The following ZWILCH variants were observed in gnomAD, a reference collection of about 807,000 sequenced individuals.
The protein encoded by ZWILCH is protein zwilch homolog.
In ZWILCH, 74 loss-of-function variants were observed where a neutral mutation model predicts 79.9. The ratio of observed to expected loss-of-function variants is 0.93; its 90% CI spans 0.77 to 1.12. ZWILCH has a LOEUF of 1.12. Ranked by LOEUF, ZWILCH falls within the 50% of genes most tolerant of loss-of-function variation. The pLI is 0.00. For missense variants in ZWILCH, 694 were observed against 687.5 expected (o/e 1.01, Z -0.11); for synonymous variants, 241 against 228.2 (o/e 1.06, Z -0.51).
At chr15:66,507,900 T>C (rs957869353) in intron 1 of ZWILCH, among the ~76,000 whole-genome samples, 1 of 139,596 alleles carries the variant, frequency 7.2e-6, no homozygotes, top group Non-Finnish European at 1.5e-5. Context: ...GCCACTGTAC[T>C]CCAACTCCAG....
chr15:66,507,938 C>CAAA (rs34334763), intron 1 of ZWILCH, among the ~76,000 whole-genome samples: 4 of 97,668 alleles, frequency 4.1e-5, no homozygotes, highest in East Asian at 3.1e-4. Flanking sequence ...GACTGCATCT[C>CAAA]AAAAAAAAAA....
In ZWILCH at chr15:66,527,993, C is replaced by A. The variant is rs1595915324; in HGVS notation, c.969+81C>A. ...TATGCTGACATCTTTCATGTTGTAC[C>A]ATCGCAAATGGATTTGGGATATCAA... On this transcript the variant is annotated intron_variant, in intron 10 of 18. Transcript: ENST00000307897. 15 of 1,197,668 alleles carry A rather than the reference C, an allele frequency of 1.3e-5. No homozygotes were observed. In the East Asian group the frequency reaches 4.1e-4, roughly 32 times the overall value. The allele number at this position is 1,197,668 out of a possible 1,614,324, so 74.2% of individuals were successfully genotyped here.
intron 14 of ZWILCH, among the ~76,000 whole-genome samples, chr15:66,534,569 A>G (rs1221157803): frequency 1.3e-5 from 2 of 152,230 alleles, no homozygotes; most frequent in African/African-American, 2.4e-5. Flanking sequence ...CTGCACACCT[A>G]GGCTATAAAC....
In ZWILCH at chr15:66,532,544, C is replaced by T. The variant is rs74022025; in HGVS notation, c.1312+141C>T. ...TGTACCTGGTTCACTATGAGATGAG[C>T]ATTTCCCTTCTCTGGGCCTTAGTTT... On this transcript the variant is annotated intron_variant, in intron 13 of 18. Coordinates refer to ENST00000307897, the MANE Select transcript of ZWILCH (RefSeq NM_017975.5). 972 of 597,194 alleles carry T rather than the reference C, an allele frequency of 1.6e-3. 7 individuals carry two copies. The African/African-American group carries it at 0.017, about 11-fold the overall frequency. The allele number at this position is 597,194 out of a possible 1,614,324, so 37.0% of individuals were successfully genotyped here.
rs1895541271 is a variant in ZWILCH at position 66,550,084 on chromosome 15, T to C, written c.*1760T>C. The C allele has an allele frequency of 2.4e-5, 38 of 1,604,742 alleles. No homozygotes were observed. Among genetic ancestry groups the C allele is most frequent in the Non-Finnish European group, 3.2e-5 (38 of 1,176,042 alleles). On this transcript the variant is annotated 3_prime_UTR_variant, in exon 19 of 19. Coordinates refer to ENST00000307897, the MANE Select transcript of ZWILCH (RefSeq NM_017975.5). ...TGTTGATAGAGCAAGTTTCCAAAGC[T>C]TTGAGGTACCAACTTTCCACCTAAT...
intron 1 of ZWILCH, 147 bp from the exon 2 acceptor site, chr15:66,508,694 G>T: frequency 1.5e-6 from 2 of 1,377,992 alleles, no homozygotes; most frequent in Non-Finnish European, 9.4e-7. Context: ...TTCTCTCTCT[G>T]CAACTACATC....
chr15:66,527,186 A>G, intron 8 of ZWILCH, 104 bp from the exon 9 acceptor site: 1 of 812,294 alleles, frequency 1.2e-6, no homozygotes, highest in Non-Finnish European at 2.0e-6. Flanking sequence ...TGTGATAAAC[A>G]CTCAAGAAAT....
At chr15:66,516,279 A>G (rs1288241116) in intron 4 of ZWILCH, among the ~76,000 whole-genome samples, 1 of 152,090 alleles carries the variant, frequency 6.6e-6, no homozygotes, top group Non-Finnish European at 1.5e-5. Flanking sequence ...GCCTCTGGCT[A>G]CCTCTCCAGC....
At chr15:66,533,975 C>G (rs934856640) in intron 14 of ZWILCH, among the ~76,000 whole-genome samples, 2 of 152,052 alleles carry the variant, frequency 1.3e-5, no homozygotes, top group Non-Finnish European at 2.9e-5. Context: ...GCATGGTTGT[C>G]TGTGCCTGTG....
chr15:66,535,398 G>A (rs960398551), intron 14 of ZWILCH, among the ~76,000 whole-genome samples: 3 of 152,146 alleles, frequency 2.0e-5, no homozygotes, highest in East Asian at 1.9e-4. Context: ...ACTGTAGGCC[G>A]GGCGCGGTGG....
In ZWILCH at chr15:66,549,944, T is replaced by G; in HGVS notation, c.*1620T>G. ...TTAATCATAAGTAGTTTTGGAAGAT[T>G]GACTTCAAGTAGAGCCACATTTTGA... On this transcript the variant is annotated 3_prime_UTR_variant, in exon 19 of 19. Transcript: ENST00000307897. 1.4e-6 allele frequency: 1 copy of G among 732,678 alleles called. No individual in the cohort carries two copies. Among genetic ancestry groups the G allele is most frequent in the Non-Finnish European group, 2.1e-6 (1 of 478,212 alleles). 45.4% of individuals were successfully genotyped at this position (732,678 alleles called of 1,614,324 possible). A position where few individuals can be genotyped will look rare whatever the true frequency, so the allele number is the denominator to read the frequency against.
At chr15:66,512,339 G>A (rs762809052) in intron 2 of ZWILCH, among the ~76,000 whole-genome samples, 5 of 150,764 alleles carry the variant, frequency 3.3e-5, no homozygotes, top group African/African-American at 7.3e-5. Context: ...GTTCACTGCG[G>A]CCTCAAACTC....
chr15:66,515,532 G>C lies in ZWILCH; in HGVS notation c.208G>C (p.Glu70Gln). The C allele has an allele frequency of 6.3e-7, 1 of 1,596,192 alleles. No individual in the cohort carries two copies. Among genetic ancestry groups the C allele is most frequent in the Non-Finnish European group, 8.6e-7 (1 of 1,168,562 alleles). ...ATTAAGAACATTTTTAAAGCCTTTA[G>C]AAAAGGAAGAAACAAGTCATATTGA... is the stretch of plus-strand genomic sequence containing the variant. ...IVFIVEKVPLEKEETSHIEEL... is the reference protein window; with the variant it reads ...IVFIVEKVPLQKEETSHIEEL... The change falls in exon 4 of 19, where the codon GAA becomes CAA. Residue 70 changes from glutamate (E) to glutamine (Q), a missense_variant. Glu to Gln is a conservative substitution (Grantham distance 29). Coordinates refer to ENST00000307897, the MANE Select transcript of ZWILCH (RefSeq NM_017975.5).
Position 66,545,605 on chromosome 15 carries a change from A to T in ZWILCH, c.1688-986A>T, listed in dbSNP as rs947141125. Among the ~76,000 whole-genome samples, 4 of 152,198 alleles carry T rather than the reference A, an allele frequency of 2.6e-5. No homozygotes were observed. The East Asian group carries it at 7.7e-4, about 29-fold the overall frequency. The stretch of plus-strand genomic sequence containing the variant: ...AAATAAGGAATTCTTATAAAATCAT[A>T]TATTTATGTGCTTAGGAACACACTC... On this transcript the variant is annotated intron_variant, in intron 17 of 18. Coordinates refer to ENST00000307897, the MANE Select transcript of ZWILCH (RefSeq NM_017975.5).
intron 13 of ZWILCH, 88 bp downstream of exon 13, chr15:66,532,491 C>T (rs914282091): frequency 5.7e-6 from 7 of 1,238,768 alleles, no homozygotes; most frequent in South Asian, 4.8e-5. Flanking sequence ...TCTGCTTGTC[C>T]CTCATCGTCT....
intron 9 of ZWILCH, 78 bp from the exon 10 acceptor site, chr15:66,527,779 A>T: frequency 7.7e-7 from 1 of 1,294,194 alleles, no homozygotes; most frequent in East Asian, 2.5e-5. Flanking sequence ...CCCATTTACC[A>T]TTTGAAAATA....
Position 66,533,031 on chromosome 15 carries a change from T to C in ZWILCH, c.1341+18T>C. 1 of 1,564,804 alleles carries C rather than the reference T, an allele frequency of 6.4e-7. No homozygotes were observed. Among genetic ancestry groups the C allele is most frequent in the Non-Finnish European group, 8.7e-7 (1 of 1,148,738 alleles). ...ATCATTTGGTGAGTTTATTTTTTTATTCTAAAATTGGTTTTTCTTTTATTC... is the reference window on the plus strand; with the variant it reads ...ATCATTTGGTGAGTTTATTTTTTTACTCTAAAATTGGTTTTTCTTTTATTC... On this transcript the variant is annotated intron_variant, in intron 14 of 18. Transcript: ENST00000307897.
chr15:66,542,787 G>A (rs1895235178), intron 17 of ZWILCH, among the ~76,000 whole-genome samples: 1 of 152,044 alleles, frequency 6.6e-6, no homozygotes, highest in Non-Finnish European at 1.5e-5. Flanking sequence ...GAGCTCAAGA[G>A]TTCAAGGCTA....
chr15:66,512,849 G>A (rs1331366415), intron 2 of ZWILCH, among the ~76,000 whole-genome samples: 4 of 152,222 alleles, frequency 2.6e-5, no homozygotes, highest in Non-Finnish European at 5.9e-5. Flanking sequence ...TGGCTGGAGT[G>A]CAGTGGCACA....
Sources: allele counts gnomAD v4.1 joint callset (sites outside exome capture counted in the v4.1 genomes callset), GRCh38; gene constraint gnomAD v4.1.1; transcripts MANE v1.5; gene names NCBI Gene and HGNC (gene_info 2026-07-23, HGNC 2026-07-21).